Variants in VDAC1 observed in about 807,000 individuals in gnomAD.
VDAC1 encodes voltage dependent anion channel 1.
VDAC1 carries 10 observed loss-of-function variants against 34.7 expected under a neutral mutation model. The ratio of observed to expected loss-of-function variants is 0.29; its 90% CI spans 0.18 to 0.49. VDAC1 has a LOEUF of 0.49. Among genes scored for constraint, VDAC1 ranks in the 20% least tolerant of loss-of-function variants. VDAC1 has a pLI of 0.99. For synonymous variants in VDAC1, 130 were observed against 136.0 expected, an observed-to-expected ratio of 0.96 and a Z score of 0.30; for missense variants, 230 against 347.9, an observed-to-expected ratio of 0.66 and a Z score of 2.69.
At chr5:134,008,749 G>A (rs138122282), upstream of VDAC1, among the ~76,000 whole-genome samples, 318 of 152,276 alleles carry the variant, frequency 2.1e-3, 3 homozygotes, top group Admixed American at 0.019. Flanking sequence ...AGGCAGAAAT[G>A]GTAGTCATTT....
chr5:133,980,731 A>G lies in VDAC1; in HGVS notation c.549T>C (p.Asn183=). The change falls in exon 6 of 9, where the codon AAT becomes AAC. Residue 183 remains asparagine, a splice_region_variant and synonymous_variant. Transcript: ENST00000265333. ...YKTDEFQLHT[N]VNDGTEFGGS... The stretch of plus-strand genomic sequence containing the variant: ...CTGCTGCCCCCATGTACACTTACAC[A>G]TTAGTGTGAAGCTGGAATTCATCAG... 3.8e-6 allele frequency: 6 copies of G among 1,571,612 alleles called. No individual in the cohort carries two copies. Among genetic ancestry groups the G allele is most frequent in the Admixed American group, 1.8e-5 (1 of 55,266 alleles).
intron 2 of VDAC1, among the ~76,000 whole-genome samples, chr5:133,992,722 G>C (rs932103253): frequency 6.6e-6 from 1 of 152,256 alleles, no homozygotes; most frequent in Non-Finnish European, 1.5e-5. Flanking sequence ...ACTTGGAAAA[G>C]AAAACAAGAA....
intron 5 of VDAC1, among the ~76,000 whole-genome samples, chr5:133,985,401 C>A (rs185180962): frequency 6.6e-6 from 1 of 152,184 alleles, no homozygotes; most frequent in African/African-American, 2.4e-5. Context: ...GTGGCTCACA[C>A]CTGTAATCCC....
the VDAC1 span, among the ~76,000 whole-genome samples, chr5:134,011,204 G>T: frequency 6.6e-6 from 1 of 151,850 alleles, no homozygotes; most frequent in Admixed American, 6.6e-5. Flanking sequence ...TTGCCATGTT[G>T]CCCAGGCTGG....
the VDAC1 span, among the ~76,000 whole-genome samples, chr5:134,065,936 G>T: frequency 6.6e-6 from 1 of 151,326 alleles, no homozygotes; most frequent in Non-Finnish European, 1.5e-5. Flanking sequence ...TGGGATTACA[G>T]GCCCCCGCCA....
At chr5:134,092,163 C>G in the VDAC1 span, among the ~76,000 whole-genome samples, 1 of 152,150 alleles carries the variant, frequency 6.6e-6, no homozygotes, top group Non-Finnish European at 1.5e-5. Flanking sequence ...AACTCAGATC[C>G]CTTAATCCAA....
the VDAC1 span, among the ~76,000 whole-genome samples, chr5:134,045,799 C>T: frequency 6.6e-6 from 1 of 151,970 alleles, no homozygotes; most frequent in East Asian, 1.9e-4. Context: ...ATTCTCCTGC[C>T]TCAGCCTCCC....
the VDAC1 span, among the ~76,000 whole-genome samples, chr5:134,047,539 A>G: frequency 6.6e-6 from 1 of 152,220 alleles, no homozygotes; most frequent in African/African-American, 2.4e-5. Context: ...TCCCGCACAG[A>G]AGGAAACTGG....
the VDAC1 span, among the ~76,000 whole-genome samples, chr5:134,046,667 G>A: frequency 6.6e-6 from 1 of 152,192 alleles, no homozygotes; most frequent in African/African-American, 2.4e-5. Flanking sequence ...GAACTCAGGC[G>A]GTGGGTCCCC....
At chr5:133,975,770 T>C in intron 7 of VDAC1, 101 bp downstream of exon 7, 1 of 1,540,260 alleles carries the variant, frequency 6.5e-7, no homozygotes, top group Non-Finnish European at 8.8e-7. Flanking sequence ...CATCTCTCAC[T>C]TTGAGTAAGC....
the VDAC1 span, among the ~76,000 whole-genome samples, chr5:134,049,265 A>G: frequency 6.6e-6 from 1 of 152,156 alleles, no homozygotes; most frequent in Non-Finnish European, 1.5e-5. Flanking sequence ...TTTTTAACTT[A>G]TTTAAATAAA....
intron 2 of VDAC1, among the ~76,000 whole-genome samples, chr5:133,992,669 G>C (rs772009470): frequency 2.0e-5 from 3 of 152,266 alleles, no homozygotes; most frequent in Non-Finnish European, 4.4e-5. Context: ...GCTAAATATA[G>C]AAGCCGCGCT....
chr5:134,113,689 C>T, the VDAC1 span, among the ~76,000 whole-genome samples: 1 of 152,276 alleles, frequency 6.6e-6, no homozygotes, highest in Non-Finnish European at 1.5e-5. Context: ...CCAAGCGCGC[C>T]GTGGAGGCCC....
chr5:134,048,867 G>A, the VDAC1 span, among the ~76,000 whole-genome samples: 1 of 152,092 alleles, frequency 6.6e-6, no homozygotes. Context: ...CCAGTATGTA[G>A]AGCAGTACTT....
the VDAC1 span, among the ~76,000 whole-genome samples, chr5:134,110,792 G>A: frequency 1.0e-3 from 155 of 152,334 alleles, 1 homozygote; most frequent in African/African-American, 3.7e-3. Context: ...CACATTTCAA[G>A]GGTCTCCCTG....
chr5:134,014,105 A>G, the VDAC1 span, among the ~76,000 whole-genome samples: 1 of 152,252 alleles, frequency 6.6e-6, no homozygotes, highest in Admixed American at 6.5e-5. Context: ...CCTGGCCAAC[A>G]TGGTGAAACC....
At chr5:134,019,395 T>C in the VDAC1 span, among the ~76,000 whole-genome samples, 1 of 152,034 alleles carries the variant, frequency 6.6e-6, no homozygotes, top group East Asian at 1.9e-4. Context: ...CTGTGAAACA[T>C]AGTGAGACTC....
At chr5:133,975,840 C>T in intron 7 of VDAC1, 31 bp downstream of exon 7, 1 of 1,610,228 alleles carries the variant, frequency 6.2e-7, no homozygotes, top group Non-Finnish European at 8.5e-7. Context: ...ATGGGCCTGC[C>T]TGTGAGATGC....
chr5:133,992,026 C>A (rs960497363), intron 3 of VDAC1, among the ~76,000 whole-genome samples: 1 of 152,098 alleles, frequency 6.6e-6, no homozygotes, highest in Non-Finnish European at 1.5e-5. Context: ...CACCTGAAGT[C>A]GGGAGTTCAA....
Sources: allele counts gnomAD v4.1 joint callset (sites outside exome capture counted in the v4.1 genomes callset), GRCh38; gene constraint gnomAD v4.1.1; transcripts MANE v1.5; gene names NCBI Gene and HGNC (gene_info 2026-07-23, HGNC 2026-07-21).